SH3D19: variants seen among roughly 807,000 people sequenced by gnomAD.
The protein encoded by SH3D19 is SH3 domain-containing protein 19.
SH3D19 carries 58 observed loss-of-function variants against 112.1 expected under a neutral mutation model. That is an observed-to-expected ratio of 0.52 (90% confidence interval 0.42 to 0.64). The LOEUF (loss-of-function observed/expected upper bound fraction) is 0.64, where lower values mean the gene tolerates loss of function less well. SH3D19 is among the 30% of genes least tolerant of loss of function. SH3D19 has a pLI of 0.00. For missense variants in SH3D19, 1,090 were observed against 1,263.4 expected, an observed-to-expected ratio of 0.86 and a Z score of 2.08; for synonymous variants, 391 against 448.5, an observed-to-expected ratio of 0.87 and a Z score of 1.62.
chr4:151,271,380 T>C (rs1262430542), intron 1 of SH3D19, among the ~76,000 whole-genome samples: 1 of 152,228 alleles, frequency 6.6e-6, no homozygotes, highest in Non-Finnish European at 1.5e-5. Context: ...AAATCTATTG[T>C]TTTCCCTGTT....
In SH3D19 at chr4:151,325,388, C is replaced by A; in HGVS notation, c.-36G>T. On this transcript the variant is annotated 5_prime_UTR_variant, in exon 1 of 20. Coordinates refer to ENST00000604030, the MANE Select transcript of SH3D19 (RefSeq NM_001378122.1). ...CGGGGCGCAGCCGCGGGATGGCCAG[C>A]GAGCTGCGGCCCCGGCGCCCCAGAA... The A allele has an allele frequency of 9.2e-7, 1 of 1,091,354 alleles. No homozygotes were observed. Among genetic ancestry groups the A allele is most frequent in the Admixed American group, 4.5e-5 (1 of 22,254 alleles). The allele number at this position is 1,091,354 out of a possible 1,614,324, so 67.6% of individuals were successfully genotyped here.
In SH3D19 at chr4:151,198,315, A is replaced by ATAT. The variant is rs200056080; in HGVS notation, c.153-10853_153-10852insATA. Among the ~76,000 whole-genome samples the ATAT allele has an allele frequency of 7.6e-3, 1,056 of 139,454 alleles. 15 individuals are homozygous for ATAT. Among genetic ancestry groups the ATAT allele is most frequent in the Middle Eastern group, 0.022 (6 of 270 alleles). 91.5% of individuals were successfully genotyped at this position (139,454 alleles called of 152,430 possible). ...GCGAGACTCTGTCTCAAAAAAAAAA[A>ATAT]AAATATATATATAATATAAAAATAT... is the stretch of plus-strand genomic sequence containing the variant. On this transcript the variant is annotated intron_variant, in intron 2 of 19. Transcript: ENST00000604030.
chr4:151,131,483 TTTTC>T (rs1750685163), intron 17 of SH3D19, among the ~76,000 whole-genome samples: 1 of 145,266 alleles, frequency 6.9e-6, no homozygotes, highest in African/African-American at 2.6e-5. Context: ...TGAATTCTTT[TTTTC>T]TTTTTTTCTT....
At chr4:151,216,545 G>A (rs1364965422) in intron 2 of SH3D19, among the ~76,000 whole-genome samples, 5 of 152,084 alleles carry the variant, frequency 3.3e-5, no homozygotes, top group Admixed American at 3.3e-4. Context: ...ATAACCCAAG[G>A]GAAAGAGAGG....
intron 1 of SH3D19, among the ~76,000 whole-genome samples, chr4:151,239,147 C>T (rs1436418890): frequency 6.6e-6 from 1 of 152,188 alleles, no homozygotes; most frequent in Admixed American, 6.5e-5. Context: ...ATGCCCTCCA[C>T]CTCGACATCT....
chr4:151,150,322 C>T (rs868005346), intron 9 of SH3D19, among the ~76,000 whole-genome samples: 8 of 123,746 alleles, frequency 6.5e-5, no homozygotes, highest in African/African-American at 2.1e-4. Flanking sequence ...TATATATATA[C>T]ATATATATAT....
intron 2 of SH3D19, among the ~76,000 whole-genome samples, chr4:151,218,693 C>G (rs912087895): frequency 6.6e-6 from 1 of 152,196 alleles, no homozygotes; most frequent in East Asian, 1.9e-4. Context: ...CTGGCCCATT[C>G]ATTTGATAAT....
chr4:151,156,440 T>C (rs1301713069), intron 9 of SH3D19, among the ~76,000 whole-genome samples: 1 of 152,160 alleles, frequency 6.6e-6, no homozygotes, highest in African/African-American at 2.4e-5. Flanking sequence ...AAAGATGTAG[T>C]AGCAAAAACA....
At chr4:151,320,973 A>G (rs1730472686) in intron 1 of SH3D19, among the ~76,000 whole-genome samples, 1 of 152,152 alleles carries the variant, frequency 6.6e-6, no homozygotes, top group African/African-American at 2.4e-5. Flanking sequence ...TCTGGGAGGC[A>G]GAGGTTGCAG....
At chr4:151,317,999 A>G (rs1404414875) in intron 1 of SH3D19, among the ~76,000 whole-genome samples, 1 of 150,612 alleles carries the variant, frequency 6.6e-6, no homozygotes, top group Non-Finnish European at 1.5e-5. Flanking sequence ...TTAAAAAAAA[A>G]AAGAAAATAA....
chr4:151,315,628 C>T (rs947126179), intron 1 of SH3D19, among the ~76,000 whole-genome samples: 4 of 152,126 alleles, frequency 2.6e-5, no homozygotes, highest in Non-Finnish European at 5.9e-5. Context: ...CTAATCAGAT[C>T]TTTGGAGAGA....
At chr4:151,224,135 C>G (rs1201957115) in intron 2 of SH3D19, among the ~76,000 whole-genome samples, 1 of 152,220 alleles carries the variant, frequency 6.6e-6, no homozygotes, top group Non-Finnish European at 1.5e-5. Context: ...TGGTGAAACC[C>G]CGTCTCTACT....
chr4:151,189,349 G>A (rs937619555), intron 2 of SH3D19, among the ~76,000 whole-genome samples: 7 of 152,104 alleles, frequency 4.6e-5, no homozygotes, highest in Admixed American at 2.0e-4. Flanking sequence ...TCCTGACCTT[G>A]TGATCTGCCC....
At chr4:151,144,099 A>G (rs1579755024) in intron 11 of SH3D19, 49 bp from the exon 12 acceptor site, 1 of 1,589,884 alleles carries the variant, frequency 6.3e-7, no homozygotes, top group Non-Finnish European at 8.6e-7. Context: ...TTAATAAAAC[A>G]TTATTACTTT....
intron 1 of SH3D19, among the ~76,000 whole-genome samples, chr4:151,248,985 CT>C (rs1245552194): frequency 1.3e-5 from 2 of 152,078 alleles, no homozygotes; most frequent in Admixed American, 1.3e-4. Context: ...TGTTACTTTT[CT>C]TCTTCTACTC....
At chr4:151,196,366 C>G (rs10857255) in intron 2 of SH3D19, among the ~76,000 whole-genome samples, 1 of 152,016 alleles carries the variant, frequency 6.6e-6, no homozygotes, top group Non-Finnish European at 1.5e-5. Flanking sequence ...GAATTCGAGG[C>G]TGCAGTGGGC....
Position 151,121,854 on chromosome 4 carries a change from C to T in SH3D19, c.*237G>A. The T allele has an allele frequency of 2.8e-6, 1 of 357,698 alleles. No individual in the cohort carries two copies. Among genetic ancestry groups the T allele is most frequent in the Non-Finnish European group, 5.0e-6 (1 of 199,820 alleles). 22.2% of individuals were successfully genotyped at this position (357,698 alleles called of 1,614,324 possible). A position where few individuals can be genotyped will look rare whatever the true frequency, so the allele number is the denominator to read the frequency against. On this transcript the variant is annotated 3_prime_UTR_variant, in exon 20 of 20. Coordinates refer to ENST00000604030, the MANE Select transcript of SH3D19 (RefSeq NM_001378122.1). ...TGCTTTCCCTTCACCTTGCTAATCC[C>T]ACTAGATGTTTTCCTCGGTAGAATC...
intron 1 of SH3D19, among the ~76,000 whole-genome samples, chr4:151,251,408 C>A (rs1771385558): frequency 6.6e-6 from 1 of 152,038 alleles, no homozygotes; most frequent in Non-Finnish European, 1.5e-5. Context: ...CCATGTTGGT[C>A]AGGCTGGTCT....
chr4:151,238,043 T>C (rs1770265026), intron 1 of SH3D19, among the ~76,000 whole-genome samples: 1 of 152,144 alleles, frequency 6.6e-6, no homozygotes, highest in Non-Finnish European at 1.5e-5. Flanking sequence ...GCCCTAAAAG[T>C]AAGCAGAAGA....
Sources: allele counts gnomAD v4.1 joint callset (sites outside exome capture counted in the v4.1 genomes callset), GRCh38; gene constraint gnomAD v4.1.1; transcripts MANE v1.5; gene names NCBI Gene and HGNC (gene_info 2026-07-23, HGNC 2026-07-21).